The following KMT2C variants were observed in gnomAD, a reference collection of about 807,000 sequenced individuals.
The protein encoded by KMT2C is lysine methyltransferase 2C, also known as histone-lysine N-methyltransferase 2C.
Under a neutral mutation model 507.9 loss-of-function variants are expected in KMT2C, and 88 were observed. The observed-to-expected ratio is 0.17, with a 90% CI of 0.15 to 0.21. The LOEUF (loss-of-function observed/expected upper bound fraction) is 0.21, where lower values mean the gene tolerates loss of function less well. KMT2C is among the 10% of genes least tolerant of loss of function. The probability of loss-of-function intolerance (pLI) is 1.00; values close to 1 mark genes in which losing one functional copy is unlikely to be tolerated. For missense variants in KMT2C, 4,954 were observed against 5,957.8 expected (o/e 0.83, Z 5.55); for synonymous variants, 2,049 against 2,080.8 (o/e 0.98, Z 0.42).
At chr7:152,319,542 T>C (rs1373623173) in intron 3 of KMT2C, among the ~76,000 whole-genome samples, 2 of 151,968 alleles carry the variant, frequency 1.3e-5, no homozygotes, top group Non-Finnish European at 2.9e-5. Context: ...AAACACCCAC[T>C]ACTTAGCAGA....
chr7:152,281,929 T>A (rs546227456), intron 6 of KMT2C, among the ~76,000 whole-genome samples: 1 of 152,040 alleles, frequency 6.6e-6, no homozygotes, highest in Non-Finnish European at 1.5e-5. Flanking sequence ...TAAAGACAAA[T>A]TCATCGACTA....
In KMT2C at chr7:152,246,019, A is replaced by C. The variant is rs1430080646; in HGVS notation, c.2532+1883T>G. On this transcript the variant is annotated intron_variant, in intron 14 of 58. Coordinates refer to ENST00000262189, the MANE Select transcript of KMT2C (RefSeq NM_170606.3). ...ACAGAAGTATAATACAGAAATGCCT[A>C]ATACCAAAGAAATTCATGTAACAGA... is the stretch of plus-strand genomic sequence containing the variant. 2.6e-5 allele frequency among the ~76,000 whole-genome samples: 4 copies of C among 152,176 alleles called. 1 individual carries two copies. Among genetic ancestry groups the C allele is most frequent in the Non-Finnish European group, 5.9e-5 (4 of 68,000 alleles).
At chr7:152,142,763 G>T (rs1016380536) in intron 55 of KMT2C, among the ~76,000 whole-genome samples, 2 of 152,238 alleles carry the variant, frequency 1.3e-5, no homozygotes, top group African/African-American at 4.8e-5. Flanking sequence ...AGAATGAAAT[G>T]AAGCTACGTC....
Position 152,148,409 on chromosome 7 carries a change from G to A in KMT2C, c.13518C>T (p.His4506=), listed in dbSNP as rs1563145471. Residue 4506 remains histidine, a synonymous_variant, in exon 52 of 59, where the codon CAC becomes CAT. Transcript: ENST00000262189. This position sits in a 1 kb window ranked among gnomAD's most constrained non-coding sequence, Gnocchi z 7.1. ...CTTGCTCATGAATTCCCTTTGGTTT[G>A]TGCATGGGGCAAAGCATAGTTTTGT... ...FKDKTMLCPM[H]KPKGIHEQEL... 1 of 1,614,256 alleles carries A rather than the reference G, an allele frequency of 6.2e-7. No individual in the cohort carries two copies. Among genetic ancestry groups the A allele is most frequent in the Non-Finnish European group, 8.5e-7 (1 of 1,180,048 alleles).
chr7:152,328,548 C>T (rs901690552), intron 3 of KMT2C, among the ~76,000 whole-genome samples: 3 of 152,066 alleles, frequency 2.0e-5, no homozygotes, highest in African/African-American at 7.2e-5. Flanking sequence ...ATGGTAAGTA[C>T]TTGAAATTAT....
rs1041100648 is a variant in KMT2C at position 152,175,331 on chromosome 7, T to A, written c.9262+860A>T. ...CAGCTAATTTTTTGTTATTTTTTTT[T>A]AATTATTATACTTTAAATTCTGGGA... On this transcript the variant is annotated intron_variant, in intron 38 of 58. Transcript: ENST00000262189. Among the ~76,000 whole-genome samples the A allele has an allele frequency of 7.2e-5, 11 of 151,980 alleles. No individual in the cohort carries two copies. The South Asian group carries it at 8.3e-4, about 11-fold the overall frequency.
intron 1 of KMT2C, among the ~76,000 whole-genome samples, chr7:152,419,334 G>C (rs1589918500): frequency 1.3e-5 from 2 of 152,126 alleles, no homozygotes; most frequent in East Asian, 3.9e-4. Context: ...CTGGGCAACA[G>C]AGCGAGACTC....
chr7:152,427,370 TACAC>T (rs1167147293), intron 1 of KMT2C, among the ~76,000 whole-genome samples: 1 of 152,228 alleles, frequency 6.6e-6, no homozygotes, highest in African/African-American at 2.4e-5. Context: ...GCACAAAATA[TACAC>T]ACAGTTTGGG....
At chr7:152,204,382 C>T (rs2094234782) in intron 25 of KMT2C, among the ~76,000 whole-genome samples, 1 of 152,110 alleles carries the variant, frequency 6.6e-6, no homozygotes, top group South Asian at 2.1e-4. Context: ...ATCGCTTGAG[C>T]ACAGGAGTTG....
intron 23 of KMT2C, among the ~76,000 whole-genome samples, chr7:152,218,013 C>T (rs1169888924): frequency 6.6e-6 from 1 of 152,162 alleles, no homozygotes; most frequent in East Asian, 1.9e-4. Flanking sequence ...TACTTCTTTG[C>T]AAACTCCAAC....
At chr7:152,297,221 C>T (rs189329632) in intron 6 of KMT2C, among the ~76,000 whole-genome samples, 56 of 152,082 alleles carry the variant, frequency 3.7e-4, no homozygotes, top group African/African-American at 1.3e-3. Context: ...CAGCACACAA[C>T]GATAAGAGTT....
rs150623101 is a variant in KMT2C, at chr7:152,156,801, G to A, written c.11671-455C>T. On this transcript the variant is annotated intron_variant, in intron 44 of 58. Coordinates refer to ENST00000262189, the MANE Select transcript of KMT2C (RefSeq NM_170606.3). The stretch of plus-strand genomic sequence containing the variant: ...TAAACTTGTAATACAACTCACATCC[G>A]AGATATGAGAATCTGGATTGACTAA... Among the ~76,000 whole-genome samples, 1,196 of 151,962 alleles carry A rather than the reference G, an allele frequency of 7.9e-3. 61 individuals carry two copies. Among genetic ancestry groups the A allele is most frequent in the Admixed American group, 0.072 (1,104 of 15,262 alleles).
At chr7:152,307,241 GGA>G (rs1478890281) in intron 6 of KMT2C, among the ~76,000 whole-genome samples, 1 of 129,710 alleles carries the variant, frequency 7.7e-6, no homozygotes, top group African/African-American at 3.7e-5. Context: ...AAGGAAGGAA[GGA>G]AGGAAGGACG....
intron 9 of KMT2C, among the ~76,000 whole-genome samples, chr7:152,255,606 G>A (rs1368148207): frequency 2.6e-5 from 4 of 152,016 alleles, no homozygotes; most frequent in Non-Finnish European, 5.9e-5. Context: ...AGTTCTGAAG[G>A]GGCCCAACAT....
chr7:152,139,140 G>A (rs1210523179), intron 57 of KMT2C, 46 bp downstream of exon 57: 1 of 1,567,562 alleles, frequency 6.4e-7, no homozygotes, highest in Admixed American at 1.7e-5. Flanking sequence ...ACCAGCACTG[G>A]CCCCACAAGC....
In KMT2C at chr7:152,292,617, A is replaced by G. The variant is rs564275532; in HGVS notation, c.849+17349T>C. On this transcript the variant is annotated intron_variant, in intron 6 of 58. Transcript: ENST00000262189. Reference sequence around the variant, plus strand: ...AAAAGGTAAAAAACATTTTTAGCTCATGTCCCACATAAACACAGCTGGAGG... The same window carrying G: ...AAAAGGTAAAAAACATTTTTAGCTCGTGTCCCACATAAACACAGCTGGAGG... 4.6e-5 allele frequency among the ~76,000 whole-genome samples: 7 copies of G among 152,292 alleles called. No homozygotes were observed. In the East Asian group the frequency reaches 1.4e-3, roughly 29 times the overall value.
rs376588385 is a variant in KMT2C, at chr7:152,144,803, A to G, written c.14253T>C (p.Ser4751=). The G allele has an allele frequency of 2.8e-5, 45 of 1,614,040 alleles. No homozygotes were observed. The highest frequency in any genetic ancestry group is 3.5e-5 in the Non-Finnish European group (41 of 1,180,018). Residue 4751 remains serine (S), a synonymous_variant, in exon 55 of 59, where the codon AGT becomes AGC. Coordinates refer to ENST00000262189, the MANE Select transcript of KMT2C (RefSeq NM_170606.3). This position sits in a 1 kb window ranked among gnomAD's most constrained non-coding sequence, Gnocchi z 4.4. ...TVTGELNAPY[S]KQFVHSKSSQ... is the part of the protein sequence containing the mutation. Reference sequence around the variant, plus strand: ...ATGACTTGGAGTGAACAAACTGTTTACTATAAGGTGCGTTCAGTTCTCCAG... The same window carrying G: ...ATGACTTGGAGTGAACAAACTGTTTGCTATAAGGTGCGTTCAGTTCTCCAG...
chr7:152,192,289 T>C (rs761803495), intron 31 of KMT2C, among the ~76,000 whole-genome samples: 2 of 152,202 alleles, frequency 1.3e-5, no homozygotes, highest in Non-Finnish European at 2.9e-5. Flanking sequence ...ACGCCTGTAA[T>C]CCCAGCACTT....
chr7:152,420,025 A>G (rs2097768638), intron 1 of KMT2C, among the ~76,000 whole-genome samples: 1 of 152,176 alleles, frequency 6.6e-6, no homozygotes, highest in Admixed American at 6.5e-5. Flanking sequence ...TCTGAAATCT[A>G]TTGTAAAATG....
Sources: gnomAD v4.1 joint callset for allele counts (sites outside exome capture counted in the v4.1 genomes callset) on GRCh38, gnomAD v4.1.1 for gene constraint, Gnocchi (gnomAD v3.1) non-coding constraint, MANE v1.5 for transcripts, NCBI Gene and HGNC (gene_info 2026-07-23, HGNC 2026-07-21) for gene names.